The following CDH4 variants were observed in gnomAD, a reference collection of about 807,000 sequenced individuals.
The protein encoded by CDH4 is cadherin-4.
In CDH4, 33 loss-of-function variants were observed where a neutral mutation model predicts 86.0. The ratio of observed to expected loss-of-function variants is 0.38; its 90% CI spans 0.29 to 0.51. The LOEUF is 0.51. CDH4 is among the 20% of genes least tolerant of loss of function. The pLI, the probability that CDH4 is intolerant of heterozygous loss-of-function variation, is 0.86. For synonymous variants in CDH4, 555 were observed against 549.4 expected, an observed-to-expected ratio of 1.01 and a Z score of -0.14; for missense variants, 1,114 against 1,307.4, an observed-to-expected ratio of 0.85 and a Z score of 2.28.
chr20:61,689,882 G>C (rs1375902815), intron 2 of CDH4, among the ~76,000 whole-genome samples: 2 of 141,244 alleles, frequency 1.4e-5, no homozygotes, highest in African/African-American at 3.1e-5. Context: ...GGCTGGGACA[G>C]TGGTTGGTGA....
In CDH4 at chr20:61,517,057, T is replaced by C. The variant is rs2085827172; in HGVS notation, c.170-226506T>C. ...GAGCCCAGTGTGGCCAGCACCCAGCTTGAGTCACACTCCATCTGCCCTTCC... is the reference window on the plus strand; with the variant it reads ...GAGCCCAGTGTGGCCAGCACCCAGCCTGAGTCACACTCCATCTGCCCTTCC... On this transcript the variant is annotated intron_variant, in intron 2 of 15. Transcript: ENST00000614565. The surrounding 1 kb of genome is among the most constrained non-coding windows in gnomAD (Gnocchi z 6.6). Among the ~76,000 whole-genome samples, 1 of 152,184 alleles carries C rather than the reference T, an allele frequency of 6.6e-6. No individual in the cohort carries two copies. The highest frequency in any genetic ancestry group is 1.5e-5 in the Non-Finnish European group (1 of 68,034).
At chr20:61,290,960 C>A (rs2084317356) in intron 2 of CDH4, among the ~76,000 whole-genome samples, 1 of 152,088 alleles carries the variant, frequency 6.6e-6, no homozygotes, top group African/African-American at 2.4e-5. Flanking sequence ...TTGGCTTGGC[C>A]TTTTTTTGGC....
chr20:61,723,621 G>T (rs1389328057), intron 2 of CDH4, among the ~76,000 whole-genome samples: 1 of 152,236 alleles, frequency 6.6e-6, no homozygotes, highest in African/African-American at 2.4e-5. Flanking sequence ...CATGAGAAGT[G>T]AACGCACCTG....
chr20:61,864,962 C>A (rs952877384), intron 6 of CDH4, among the ~76,000 whole-genome samples: 3 of 152,188 alleles, frequency 2.0e-5, no homozygotes, highest in Non-Finnish European at 4.4e-5. Context: ...TGCAGCAGAG[C>A]CTCCAGGGCT....
intron 3 of CDH4, among the ~76,000 whole-genome samples, chr20:61,745,410 G>A (rs796891932): frequency 8.5e-5 from 13 of 152,302 alleles, no homozygotes; most frequent in African/African-American, 1.9e-4. Flanking sequence ...AGATGGAAGC[G>A]GAGGTGGTTT....
chr20:61,753,378 C>T (rs912174812), intron 3 of CDH4, among the ~76,000 whole-genome samples: 2 of 152,202 alleles, frequency 1.3e-5, no homozygotes, highest in Non-Finnish European at 2.9e-5. Context: ...AAAAATTTGG[C>T]AACTTTTCTC....
At chr20:61,714,337 C>A (rs150313103) in intron 2 of CDH4, among the ~76,000 whole-genome samples, 1 of 152,160 alleles carries the variant, frequency 6.6e-6, no homozygotes, top group African/African-American at 2.4e-5. Context: ...TGAGCCACCA[C>A]GCCGAGAACC....
chr20:61,848,147 T>G (rs1227050197), intron 5 of CDH4, among the ~76,000 whole-genome samples: 4 of 152,226 alleles, frequency 2.6e-5, no homozygotes, highest in Non-Finnish European at 5.9e-5. Context: ...CACAGGCTGG[T>G]GGGGACCAGG....
At chr20:61,318,239 G>T (rs1003464686) in intron 2 of CDH4, among the ~76,000 whole-genome samples, 1 of 152,176 alleles carries the variant, frequency 6.6e-6, no homozygotes, top group African/African-American at 2.4e-5. Context: ...CGACTCTCCC[G>T]TATGTTCCTC....
At chr20:61,896,847 C>G (rs1985150034) in intron 8 of CDH4, among the ~76,000 whole-genome samples, 1 of 152,166 alleles carries the variant, frequency 6.6e-6, no homozygotes, top group South Asian at 2.1e-4. Context: ...AGGGCTGCAC[C>G]CACACAGCTG....
At chr20:61,888,727 C>T (rs1273012709) in intron 7 of CDH4, among the ~76,000 whole-genome samples, 1 of 152,206 alleles carries the variant, frequency 6.6e-6, no homozygotes, top group Admixed American at 6.5e-5. Flanking sequence ...GGGCTGATGT[C>T]ACCATGGACA....
chr20:61,795,376 T>C (rs1169945664), intron 4 of CDH4, among the ~76,000 whole-genome samples: 1 of 151,920 alleles, frequency 6.6e-6, no homozygotes, highest in Non-Finnish European at 1.5e-5. Flanking sequence ...AGGGACAGAA[T>C]GGAATGATTA....
intron 4 of CDH4, among the ~76,000 whole-genome samples, chr20:61,843,859 C>T (rs193182178): frequency 2.8e-4 from 42 of 152,294 alleles, no homozygotes; most frequent in African/African-American, 9.6e-4. Flanking sequence ...ATTCATTCCA[C>T]CTTCTCAGTT....
At chr20:61,329,490 T>A (rs1445894921) in intron 2 of CDH4, among the ~76,000 whole-genome samples, 6 of 141,016 alleles carry the variant, frequency 4.3e-5, no homozygotes, top group African/African-American at 1.3e-4. Flanking sequence ...GTGGCTCTTC[T>A]GCCCTTGGCT....
intron 2 of CDH4, among the ~76,000 whole-genome samples, chr20:61,450,608 A>G (rs1446450204): frequency 1.3e-5 from 2 of 151,982 alleles, no homozygotes; most frequent in South Asian, 2.1e-4. Flanking sequence ...GGTTCTATCT[A>G]TGTCTATTCC....
intron 9 of CDH4, among the ~76,000 whole-genome samples, chr20:61,913,356 C>T (rs969235343): frequency 2.2e-4 from 33 of 152,230 alleles, no homozygotes; most frequent in African/African-American, 7.2e-4. Context: ...TGGCCTCAGC[C>T]GTCATGTGCC....
At chr20:61,547,626 A>G (rs561168802) in intron 2 of CDH4, among the ~76,000 whole-genome samples, 4 of 152,044 alleles carry the variant, frequency 2.6e-5, no homozygotes, top group South Asian at 4.1e-4. Flanking sequence ...CCTGGCCTCA[A>G]TGCTTTCACA....
intron 4 of CDH4, among the ~76,000 whole-genome samples, chr20:61,805,671 A>G (rs777873547): frequency 3.3e-5 from 5 of 152,200 alleles, no homozygotes; most frequent in Admixed American, 2.0e-4. Flanking sequence ...TGGCAGAGGT[A>G]TGTTTAAAAC....
intron 2 of CDH4, among the ~76,000 whole-genome samples, chr20:61,436,230 G>A (rs1046018505): frequency 2.6e-5 from 4 of 151,992 alleles, no homozygotes; most frequent in Admixed American, 2.0e-4. Context: ...TTGCACCTTC[G>A]CCCCCAACTG....
Sources: allele counts gnomAD v4.1 joint callset (sites outside exome capture counted in the v4.1 genomes callset), GRCh38; gene constraint gnomAD v4.1.1; non-coding constraint Gnocchi (gnomAD v3.1); transcripts MANE v1.5; gene names NCBI Gene and HGNC (gene_info 2026-07-23, HGNC 2026-07-21).